Variants in ASTN2 observed in about 807,000 individuals in gnomAD.
ASTN2 encodes astrotactin 2, also known as astrotactin-2.
Under a neutral mutation model 139.8 loss-of-function variants are expected in ASTN2, and 54 were observed. That is an observed-to-expected ratio of 0.39 (90% CI 0.31 to 0.48). The LOEUF is 0.48. ASTN2 is among the 20% of genes least tolerant of loss of function. The probability of loss-of-function intolerance (pLI) is 0.95; values close to 1 mark genes in which losing one functional copy is unlikely to be tolerated. For missense variants in ASTN2, 1,565 were observed against 1,725.1 expected (o/e 0.91, Z 1.64); for synonymous variants, 756 against 719.5 (o/e 1.05, Z -0.81).
At chr9:117,407,666 G>A (rs151323521) in intron 1 of ASTN2, among the ~76,000 whole-genome samples, 2 of 152,258 alleles carry the variant, frequency 1.3e-5, no homozygotes, top group Non-Finnish European at 2.9e-5. Flanking sequence ...AGTTCTTTTG[G>A]GGGGCTATTG....
chr9:117,059,388 C>T (rs529986667), intron 5 of ASTN2, among the ~76,000 whole-genome samples: 9 of 151,920 alleles, frequency 5.9e-5, no homozygotes, highest in South Asian at 2.1e-4. Context: ...CCAAGGTGGG[C>T]GAATCACGAG....
At chr9:117,178,491 A>C (rs145213960) in intron 3 of ASTN2, among the ~76,000 whole-genome samples, 64 of 152,330 alleles carry the variant, frequency 4.2e-4, no homozygotes, top group African/African-American at 1.4e-3. Context: ...CCAGAGATAT[A>C]TGTCCAACAG....
chr9:116,551,928 A>G (rs989696347), intron 19 of ASTN2, among the ~76,000 whole-genome samples: 5 of 152,222 alleles, frequency 3.3e-5, no homozygotes, highest in African/African-American at 1.2e-4. Flanking sequence ...GGAAAATGCT[A>G]TCTAGCCAAA....
At chr9:116,514,457 C>T (rs1587918781) in intron 19 of ASTN2, among the ~76,000 whole-genome samples, 1 of 152,202 alleles carries the variant, frequency 6.6e-6, no homozygotes, top group African/African-American at 2.4e-5. Flanking sequence ...CAGGGACCCA[C>T]TTGAGGAGGC....
chr9:117,105,013 G>T (rs761566494), intron 4 of ASTN2, among the ~76,000 whole-genome samples: 1 of 151,976 alleles, frequency 6.6e-6, no homozygotes, highest in Non-Finnish European at 1.5e-5. Context: ...GGGAAGTAAC[G>T]CTTTGTCTTC....
intron 19 of ASTN2, among the ~76,000 whole-genome samples, chr9:116,535,878 A>G (rs1564351557): frequency 6.6e-6 from 1 of 151,986 alleles, no homozygotes; most frequent in Non-Finnish European, 1.5e-5. Context: ...CTTTCTCTGT[A>G]TTTCCTGAAT....
chr9:117,401,131 C>G (rs1830816920), intron 1 of ASTN2, among the ~76,000 whole-genome samples: 1 of 152,192 alleles, frequency 6.6e-6, no homozygotes, highest in Non-Finnish European at 1.5e-5. Context: ...TAATAAAAAA[C>G]AGAACAACCT....
intron 19 of ASTN2, among the ~76,000 whole-genome samples, chr9:116,489,315 A>C (rs759695821): frequency 3.4e-4 from 52 of 151,930 alleles, no homozygotes; most frequent in Admixed American, 7.9e-4. Context: ...TCTTTATTTT[A>C]TTTATTTATT....
At chr9:116,800,427 A>T (rs966105453) in intron 13 of ASTN2, among the ~76,000 whole-genome samples, 1 of 152,114 alleles carries the variant, frequency 6.6e-6, no homozygotes, top group African/African-American at 2.4e-5. Context: ...ACACAGTGCA[A>T]ACCCTTGGAC....
intron 1 of ASTN2, among the ~76,000 whole-genome samples, chr9:117,294,473 C>T (rs1215450587): frequency 3.3e-5 from 5 of 152,198 alleles, no homozygotes; most frequent in African/African-American, 1.2e-4. Context: ...CAGAAGGCCT[C>T]GATCATTCAT....
At chr9:117,250,611 G>A (rs1461481011) in intron 2 of ASTN2, among the ~76,000 whole-genome samples, 1 of 152,064 alleles carries the variant, frequency 6.6e-6, no homozygotes, top group South Asian at 2.1e-4. Flanking sequence ...CTATTAGGTT[G>A]GTACAAAAGT....
intron 1 of ASTN2, among the ~76,000 whole-genome samples, chr9:117,336,560 C>T (rs900021153): frequency 6.6e-6 from 1 of 152,128 alleles, no homozygotes; most frequent in African/African-American, 2.4e-5. Context: ...ATAATATATC[C>T]TGTTTATTCT....
At chr9:116,850,720 A>G (rs1832574798) in intron 11 of ASTN2, among the ~76,000 whole-genome samples, 1 of 152,182 alleles carries the variant, frequency 6.6e-6, no homozygotes, top group Non-Finnish European at 1.5e-5. Flanking sequence ...GATGAACTCA[A>G]GATGTAACAT....
At chr9:116,822,725 A>T (rs1191953648) in intron 11 of ASTN2, among the ~76,000 whole-genome samples, 1 of 152,104 alleles carries the variant, frequency 6.6e-6, no homozygotes. Flanking sequence ...AACTTATTTA[A>T]TCCCTATAGC....
chr9:116,774,398 T>C (rs1456705939), intron 13 of ASTN2, among the ~76,000 whole-genome samples: 2 of 152,196 alleles, frequency 1.3e-5, no homozygotes, highest in Non-Finnish European at 2.9e-5. Flanking sequence ...GAAAGTAAGC[T>C]ATTTGGGAGT....
At chr9:116,492,891 GAACACT>G (rs1849559636) in intron 19 of ASTN2, among the ~76,000 whole-genome samples, 1 of 152,152 alleles carries the variant, frequency 6.6e-6, no homozygotes, top group Admixed American at 6.5e-5. Context: ...GGGCAAGGAT[GAACACT>G]AACAGGAGAG....
intron 10 of ASTN2, among the ~76,000 whole-genome samples, chr9:116,886,611 C>T (rs1220947668): frequency 1.3e-5 from 2 of 152,290 alleles, no homozygotes; most frequent in East Asian, 3.9e-4. Flanking sequence ...AAGTGATCCT[C>T]CCACTCAGCC....
chr9:116,475,879 C>T (rs1051874053), intron 20 of ASTN2, among the ~76,000 whole-genome samples: 1 of 152,192 alleles, frequency 6.6e-6, no homozygotes, highest in Non-Finnish European at 1.5e-5. Context: ...TTTCCCTGGC[C>T]TTCCACATTC....
At chr9:116,661,123 T>G (rs1858532579) in intron 16 of ASTN2, among the ~76,000 whole-genome samples, 1 of 152,212 alleles carries the variant, frequency 6.6e-6, no homozygotes, top group South Asian at 2.1e-4. Flanking sequence ...TACTGGCCAG[T>G]GTCTTGGCCA....
Sources: gnomAD v4.1 joint callset for allele counts (sites outside exome capture counted in the v4.1 genomes callset) on GRCh38, gnomAD v4.1.1 for gene constraint, MANE v1.5 for transcripts, NCBI Gene and HGNC (gene_info 2026-07-23, HGNC 2026-07-21) for gene names.